IL1RAPL1: variants seen among roughly 807,000 people sequenced by gnomAD.
The protein encoded by IL1RAPL1 is interleukin 1 receptor accessory protein like 1, also known as interleukin-1 receptor accessory protein-like 1.
In IL1RAPL1, 3 loss-of-function variants were observed where a neutral mutation model predicts 48.4. The observed-to-expected ratio is 0.06, with a 90% CI of 0.03 to 0.16. IL1RAPL1 has a LOEUF of 0.16. IL1RAPL1 is among the 10% of genes least tolerant of loss of function. The probability of loss-of-function intolerance (pLI) is 1.00; values close to 1 mark genes in which losing one functional copy is unlikely to be tolerated. For synonymous variants in IL1RAPL1, 185 were observed against 187.7 expected (o/e 0.99, Z 0.12); for missense variants, 349 against 530.6 (o/e 0.66, Z 3.36).
At chrX:29,309,078 T>C (rs1217400218) in intron 3 of IL1RAPL1, among the ~76,000 whole-genome samples, 1 of 112,661 alleles carries the variant, frequency 8.9e-6, no homozygotes, top group African/African-American at 3.2e-5. Flanking sequence ...TAAGTCAATA[T>C]TGTATCTAAC....
intron 1 of IL1RAPL1, among the ~76,000 whole-genome samples, chrX:28,615,478 TA>T (rs1455632193): frequency 1.8e-5 from 2 of 110,298 alleles, no homozygotes; most frequent in Admixed American, 2.0e-4. Context: ...AAAGTCAGTT[TA>T]AAAATAAGTA....
chrX:29,954,778 G>C, intron 10 of IL1RAPL1, 86 bp downstream of exon 10: 1 of 817,748 alleles, frequency 1.2e-6, no homozygotes, highest in Non-Finnish European at 1.8e-6. Flanking sequence ...TTAATGTTTG[G>C]TTCTTTACTT....
At chrX:29,778,906 A>G (rs905261999) in intron 6 of IL1RAPL1, among the ~76,000 whole-genome samples, 3 of 111,642 alleles carry the variant, frequency 2.7e-5, no homozygotes, top group African/African-American at 6.5e-5. Context: ...GAAAGAGTGT[A>G]GCACTAAGCC....
chrX:29,899,545 AT>A (rs369479445), intron 6 of IL1RAPL1, among the ~76,000 whole-genome samples: 5,690 of 99,315 alleles, frequency 0.057, 181 homozygotes, highest in Admixed American at 0.14. Flanking sequence ...ACAGTGAATA[AT>A]TTTTTTTTTT....
chrX:29,769,894 C>T (rs1352388262), intron 6 of IL1RAPL1, among the ~76,000 whole-genome samples: 3 of 110,607 alleles, frequency 2.7e-5, no homozygotes, highest in Admixed American at 9.7e-5. Flanking sequence ...GGATTACAGG[C>T]GTGAGACACC....
intron 6 of IL1RAPL1, among the ~76,000 whole-genome samples, chrX:29,840,232 A>G (rs984373611): frequency 1.8e-5 from 2 of 111,915 alleles, no homozygotes; most frequent in African/African-American, 6.5e-5. Context: ...GCTGGCTCTG[A>G]TATTAACGGA....
At chrX:29,766,429 A>AAAT (rs1219743355) in intron 6 of IL1RAPL1, among the ~76,000 whole-genome samples, 1 of 94,546 alleles carries the variant, frequency 1.1e-5, no homozygotes, top group Non-Finnish European at 2.0e-5. Flanking sequence ...TTATATATCC[A>AAAT]AATATATATA....
chrX:29,016,716 A>G (rs1926250010), intron 2 of IL1RAPL1, among the ~76,000 whole-genome samples: 1 of 111,362 alleles, frequency 9.0e-6, no homozygotes, highest in East Asian at 2.8e-4. Flanking sequence ...TCAGTATAGT[A>G]ATTCTGTAAT....
intron 5 of IL1RAPL1, among the ~76,000 whole-genome samples, chrX:29,557,529 G>A (rs1922044243): frequency 9.0e-6 from 1 of 111,617 alleles, no homozygotes; most frequent in South Asian, 3.7e-4. Context: ...TGTGTGGTGA[G>A]AACACTTAAG....
At chrX:29,224,553 A>G (rs1386714705) in intron 2 of IL1RAPL1, among the ~76,000 whole-genome samples, 1 of 111,804 alleles carries the variant, frequency 8.9e-6, no homozygotes, top group African/African-American at 3.2e-5. Flanking sequence ...TTCCTTTATA[A>G]TAATAGTAAT....
At chrX:29,801,309 A>G (rs1228849436) in intron 6 of IL1RAPL1, among the ~76,000 whole-genome samples, 1 of 111,195 alleles carries the variant, frequency 9.0e-6, no homozygotes, top group Non-Finnish European at 1.9e-5. Context: ...AATACATCAC[A>G]TGGGTTTTTG....
At chrX:29,161,750 C>G (rs1194160928) in intron 2 of IL1RAPL1, among the ~76,000 whole-genome samples, 1 of 112,086 alleles carries the variant, frequency 8.9e-6, no homozygotes, top group Non-Finnish European at 1.9e-5. Flanking sequence ...CGCTTTTACA[C>G]TGTTGGTGGG....
chrX:29,900,164 T>A (rs768970852), intron 6 of IL1RAPL1, among the ~76,000 whole-genome samples: 1 of 111,654 alleles, frequency 9.0e-6, no homozygotes, highest in South Asian at 3.7e-4. Context: ...CTAACAAAAA[T>A]CCTTCTAGGC....
intron 2 of IL1RAPL1, among the ~76,000 whole-genome samples, chrX:29,199,770 G>A (rs138631989): frequency 0.014 from 1,585 of 111,761 alleles, 30 homozygotes; most frequent in African/African-American, 0.049. Flanking sequence ...CGGCCTTGGG[G>A]TTGGGGACCT....
intron 5 of IL1RAPL1, among the ~76,000 whole-genome samples, chrX:29,664,161 T>C (rs191374967): frequency 0.022 from 2,448 of 111,718 alleles, 62 homozygotes; most frequent in African/African-American, 0.076. Flanking sequence ...TCCCAGCACT[T>C]TGGGAGGCCG....
At chrX:29,183,468 G>A (rs928432085) in intron 2 of IL1RAPL1, among the ~76,000 whole-genome samples, 5 of 111,401 alleles carry the variant, frequency 4.5e-5, no homozygotes, top group Non-Finnish European at 9.4e-5. Context: ...GTGGAATAAA[G>A]TGCAAGCAGG....
intron 2 of IL1RAPL1, among the ~76,000 whole-genome samples, chrX:28,845,969 T>C (rs1921497366): frequency 8.9e-6 from 1 of 111,870 alleles, no homozygotes; most frequent in Admixed American, 9.5e-5. Context: ...TAGTTTTCAC[T>C]AGAATTCACT....
chrX:29,939,176 A>G (rs1933083829), intron 8 of IL1RAPL1, among the ~76,000 whole-genome samples: 1 of 111,981 alleles, frequency 8.9e-6, no homozygotes, highest in Admixed American at 9.5e-5. Context: ...CAATGTGGTA[A>G]TATCACTGGG....
At chrX:29,858,524 A>T (rs1363635670) in intron 6 of IL1RAPL1, among the ~76,000 whole-genome samples, 1 of 111,204 alleles carries the variant, frequency 9.0e-6, no homozygotes, top group Non-Finnish European at 1.9e-5. Context: ...GTTCTAGAAT[A>T]TGTTACCCTA....
Sources: gnomAD v4.1 joint callset for allele counts (sites outside exome capture counted in the v4.1 genomes callset) on GRCh38, gnomAD v4.1.1 for gene constraint, MANE v1.5 for transcripts, NCBI Gene and HGNC (gene_info 2026-07-23, HGNC 2026-07-21) for gene names.